KIZ: variants seen among roughly 807,000 people sequenced by gnomAD.
The protein encoded by KIZ is kizuna centrosomal protein, also known as centrosomal protein kizuna.
KIZ carries 68 observed loss-of-function variants against 79.6 expected under a neutral mutation model. That is an observed-to-expected ratio of 0.85 (90% CI 0.70 to 1.05). The LOEUF (loss-of-function observed/expected upper bound fraction) is 1.05, where lower values mean the gene tolerates loss of function less well. Among genes scored for constraint, KIZ ranks in the 50% least tolerant of loss-of-function variants. The pLI is 0.00. For missense variants in KIZ, 797 were observed against 800.4 expected, an observed-to-expected ratio of 1.00 and a Z score of 0.05; for synonymous variants, 280 against 281.8, an observed-to-expected ratio of 0.99 and a Z score of 0.06.
chr20:21,193,873 GAGGGAT>G (rs1459376150), intron 6 of KIZ, among the ~76,000 whole-genome samples: 1 of 105,414 alleles, frequency 9.5e-6, no homozygotes, highest in African/African-American at 3.7e-5. Flanking sequence ...GGGGAGGGGG[GAGGGAT>G]AGCATTAGGA....
chr20:21,195,016 T>G (rs1170529917), intron 6 of KIZ: 1 of 152,174 alleles, frequency 6.6e-6, no homozygotes, highest in Non-Finnish European at 1.5e-5. Context: ...AGGCTTTTGC[T>G]CTTGTTGAGA....
At chr20:21,200,074 G>C (rs776410842) in intron 6 of KIZ, among the ~76,000 whole-genome samples, 1 of 152,156 alleles carries the variant, frequency 6.6e-6, no homozygotes, top group East Asian at 1.9e-4. Context: ...GCCCACCTCT[G>C]CCTCCCAAAG....
intron 6 of KIZ, chr20:21,198,358 G>C (rs1428768031): frequency 6.6e-6 from 1 of 152,422 alleles, no homozygotes; most frequent in African/African-American, 2.4e-5. Context: ...CAGCGTGCCA[G>C]GCCGCAATCC....
chr20:21,210,684 T>C (rs544629082), intron 7 of KIZ, among the ~76,000 whole-genome samples: 15 of 152,264 alleles, frequency 9.9e-5, no homozygotes, highest in African/African-American at 3.6e-4. Flanking sequence ...GATCTCACTC[T>C]GGAAGGGTCA....
intron 6 of KIZ, among the ~76,000 whole-genome samples, chr20:21,193,461 T>A (rs1785563974): frequency 6.6e-6 from 1 of 152,138 alleles, no homozygotes; most frequent in Admixed American, 6.5e-5. Flanking sequence ...TACCTTGGGA[T>A]CTAGATCTAG....
chr20:21,133,856 C>A (rs1342896792), intron 2 of KIZ, among the ~76,000 whole-genome samples: 1 of 152,210 alleles, frequency 6.6e-6, no homozygotes. Context: ...TTCAGAGGAG[C>A]AGTGTAGACT....
At chr20:21,185,730 T>A (rs1473188726) in intron 6 of KIZ, among the ~76,000 whole-genome samples, 30 of 148,638 alleles carry the variant, frequency 2.0e-4, no homozygotes, top group African/African-American at 7.2e-4. Flanking sequence ...TTTTTTTTTT[T>A]AAACAGAGTC....
chr20:21,219,926 C>T (rs1354467362), intron 9 of KIZ, among the ~76,000 whole-genome samples: 1 of 152,058 alleles, frequency 6.6e-6, no homozygotes, highest in African/African-American at 2.4e-5. Context: ...ACACTGATGC[C>T]CCACCCACAA....
rs1240666241 is a variant in KIZ at position 21,142,981 on chromosome 20, AGT to A, written c.316-2579_316-2578del. On this transcript the variant is annotated intron_variant, in intron 3 of 12. Coordinates refer to ENST00000619189, the MANE Select transcript of KIZ (RefSeq NM_018474.6). The stretch of plus-strand genomic sequence containing the variant: ...CAACCTTCATGCCCCTGGAGGGCAA[AGT>A]GTGTAGCAAATACCACTTTTTATCA... 5.3e-5 allele frequency among the ~76,000 whole-genome samples: 8 copies of A among 152,270 alleles called. No individual in the cohort carries two copies. The East Asian group carries it at 1.5e-3, about 29-fold the overall frequency.
chr20:21,223,738 C>T (rs116331517), intron 9 of KIZ, among the ~76,000 whole-genome samples: 328 of 145,648 alleles, frequency 2.3e-3, no homozygotes, highest in African/African-American at 8.1e-3. Context: ...GATGTGATCT[C>T]GGCTAACTGC....
intron 11 of KIZ, 98 bp from the exon 12 acceptor site, chr20:21,244,147 G>A (rs1024069979): frequency 1.2e-6 from 1 of 830,928 alleles, no homozygotes; most frequent in Non-Finnish European, 2.0e-6. Context: ...CTGGCCTCCA[G>A]TGAATCAAAG....
Position 21,136,426 on chromosome 20 carries a change from G to A in KIZ, c.189G>A (p.Leu63=). 1 of 1,559,502 alleles carries A rather than the reference G, an allele frequency of 6.4e-7. No homozygotes were observed. Among genetic ancestry groups the A allele is most frequent in the South Asian group, 1.2e-5 (1 of 85,004 alleles). ...AATATGTAAAACTAAAGAATTATCT[G>A]AAGGAAATATGTGAATCTGAAAAGA... The part of the protein sequence containing the change: ...KLKYVKLKNY[L]KEICESEKKA... The change falls in exon 3 of 13, where the codon CTG becomes CTA. Residue 63 remains leucine, a synonymous_variant. Transcript: ENST00000619189.
intron 3 of KIZ, among the ~76,000 whole-genome samples, chr20:21,144,687 C>T (rs1001358808): frequency 1.3e-5 from 2 of 152,108 alleles, no homozygotes; most frequent in Non-Finnish European, 2.9e-5. Context: ...TTATTATTGC[C>T]CATTTGTTTT....
At chr20:21,158,932 A>C (rs568582807) in intron 4 of KIZ, among the ~76,000 whole-genome samples, 2 of 151,948 alleles carry the variant, frequency 1.3e-5, no homozygotes, top group African/African-American at 4.8e-5. Context: ...AGCTGGGACC[A>C]CAGGTGTGTG....
chr20:21,236,172 TGA>T (rs2037000113), intron 11 of KIZ, among the ~76,000 whole-genome samples: 1 of 152,218 alleles, frequency 6.6e-6, no homozygotes. Context: ...AAAGTTAAGT[TGA>T]CCTCAGGCAG....
chr20:21,215,756 C>A, intron 9 of KIZ, 108 bp downstream of exon 9: 1 of 614,900 alleles, frequency 1.6e-6, no homozygotes, highest in South Asian at 2.1e-5. Flanking sequence ...CACATGTATT[C>A]AGCTACTGCA....
At chr20:21,244,544 G>A in intron 12 of KIZ, 1 of 507,886 alleles carries the variant, frequency 2.0e-6, no homozygotes, top group Non-Finnish European at 3.5e-6. Flanking sequence ...GGGGATCCTG[G>A]CCTCCATGTC....
At chr20:21,168,148 C>T (rs2034035624) in intron 6 of KIZ, among the ~76,000 whole-genome samples, 1 of 152,126 alleles carries the variant, frequency 6.6e-6, no homozygotes, top group South Asian at 2.1e-4. Context: ...TCAATTCCCA[C>T]CTATGAGTGA....
intron 6 of KIZ, among the ~76,000 whole-genome samples, chr20:21,167,463 A>C (rs868308528): frequency 1.3e-5 from 2 of 152,284 alleles, no homozygotes; most frequent in Middle Eastern, 6.8e-3. Flanking sequence ...GCAGTAGTGG[A>C]ACATTATAGA....
Sources: allele counts gnomAD v4.1 joint callset (sites outside exome capture counted in the v4.1 genomes callset), GRCh38; gene constraint gnomAD v4.1.1; transcripts MANE v1.5; gene names NCBI Gene and HGNC (gene_info 2026-07-23, HGNC 2026-07-21).